The following FCAR variants were observed in gnomAD, a reference collection of about 807,000 sequenced individuals.
FCAR encodes immunoglobulin alpha Fc receptor.
A neutral mutation model predicts 27.1 loss-of-function variants in FCAR; 21 were observed. The ratio of observed to expected loss-of-function variants is 0.77; its 90% confidence interval spans 0.55 to 1.11. FCAR has a LOEUF of 1.11. Ranked by LOEUF, FCAR falls within the 50% of genes most tolerant of loss-of-function variation. The pLI is 0.00. For missense variants in FCAR, 404 were observed against 358.4 expected, an observed-to-expected ratio of 1.13 and a Z score of -1.03; for synonymous variants, 134 against 135.8, an observed-to-expected ratio of 0.99 and a Z score of 0.09.
In FCAR at chr19:54,875,517, TTTG is replaced by T. The variant is rs2066045643; in HGVS notation, c.70+155_70+157del. 64 of 718,110 alleles carry T rather than the reference TTTG, an allele frequency of 8.9e-5. No individual in the cohort carries two copies. The South Asian group carries it at 1.0e-3, about 12-fold the overall frequency. 44.5% of individuals were successfully genotyped at this position (718,110 alleles called of 1,614,324 possible). On this transcript the variant is annotated intron_variant, in intron 2 of 4. Coordinates refer to ENST00000355524, the MANE Select transcript of FCAR (RefSeq NM_002000.4). Reference sequence around the variant, plus strand: ...TTCTCTTGCATAATTTCTATCTCACTTTGTTATCTCCAAACCCTTCAGACTCAT... The same window carrying T: ...TTCTCTTGCATAATTTCTATCTCACTTTATCTCCAAACCCTTCAGACTCAT...
chr19:54,887,053 C>T (rs1209360355), intron 3 of FCAR, among the ~76,000 whole-genome samples: 1 of 72,546 alleles, frequency 1.4e-5, no homozygotes, highest in African/African-American at 4.2e-5. Context: ...CCGTGGCTCA[C>T]GCCTGTAATC....
chr19:54,886,965 A>G (rs587747281), intron 3 of FCAR, among the ~76,000 whole-genome samples: 74 of 152,334 alleles, frequency 4.9e-4, no homozygotes, highest in Non-Finnish European at 9.0e-4. Context: ...GCTGTTGTTG[A>G]AAGCCTGGCT....
At chr19:54,879,769 C>T (rs1259085526) in intron 2 of FCAR, among the ~76,000 whole-genome samples, 1 of 151,814 alleles carries the variant, frequency 6.6e-6, no homozygotes, top group South Asian at 2.1e-4. Context: ...CTGCAAGCTC[C>T]GCCTCCCGGA....
intron 2 of FCAR, among the ~76,000 whole-genome samples, chr19:54,882,620 G>T (rs776763764): frequency 4.0e-5 from 6 of 151,564 alleles, no homozygotes; most frequent in Admixed American, 2.0e-4. Context: ...TGTATGTTTA[G>T]TAGAGCCCGG....
In FCAR at chr19:54,890,403, CTTTTT is replaced by C. The variant is rs1010140368; in HGVS notation, c.*543_*547del. ...TAATTTCTTCCTTCATTGTTCTTCT[CTTTTT>C]TTATTTATTTTATTTATTTTTATTT... On this transcript the variant is annotated 3_prime_UTR_variant, in exon 5 of 5. Coordinates refer to ENST00000355524, the MANE Select transcript of FCAR (RefSeq NM_002000.4). 1 of 151,698 alleles carries C rather than the reference CTTTTT, an allele frequency of 6.6e-6. No homozygotes were observed. Among genetic ancestry groups the C allele is most frequent in the East Asian group, 1.9e-4 (1 of 5,188 alleles). The allele number at this position is 151,698 out of a possible 1,614,324, so 9.4% of individuals were successfully genotyped here.
intron 2 of FCAR, among the ~76,000 whole-genome samples, chr19:54,878,819 G>A (rs776290607): frequency 2.9e-4 from 42 of 142,384 alleles, no homozygotes; most frequent in Admixed American, 5.7e-4. Context: ...TTGAGCCTAT[G>A]GATGTCATTG....
chr19:54,881,091 G>A (rs746073882), intron 2 of FCAR, among the ~76,000 whole-genome samples: 38 of 152,314 alleles, frequency 2.5e-4, no homozygotes, highest in Non-Finnish European at 4.1e-4. Context: ...CAGGGGAAGG[G>A]ACCTTAGCAG....
At chr19:54,886,311 T>A (rs1167914807) in intron 3 of FCAR, among the ~76,000 whole-genome samples, 4 of 137,684 alleles carry the variant, frequency 2.9e-5, no homozygotes, top group East Asian at 4.2e-4. Context: ...ATTTTTTTTT[T>A]TTTTTTTTTT....
intron 4 of FCAR, among the ~76,000 whole-genome samples, chr19:54,889,328 C>T (rs1290639711): frequency 4.2e-5 from 6 of 143,408 alleles, no homozygotes; most frequent in Non-Finnish European, 7.5e-5. Flanking sequence ...GCCGAGATCA[C>T]GCCACTGCAC....
intron 2 of FCAR, among the ~76,000 whole-genome samples, chr19:54,880,471 G>C (rs2066348817): frequency 6.6e-6 from 1 of 152,024 alleles, no homozygotes; most frequent in Non-Finnish European, 1.5e-5. Flanking sequence ...GTAATCTTTA[G>C]GTTCCTTGCA....
chr19:54,876,948 A>T (rs1394742203), intron 2 of FCAR, among the ~76,000 whole-genome samples: 4 of 152,114 alleles, frequency 2.6e-5, no homozygotes, highest in Non-Finnish European at 5.9e-5. Flanking sequence ...CCAGAAATAA[A>T]GCCTACCTGA....
At chr19:54,882,731 G>A (rs587744029) in intron 2 of FCAR, among the ~76,000 whole-genome samples, 147 of 152,152 alleles carry the variant, frequency 9.7e-4, no homozygotes, top group Middle Eastern at 3.4e-3. Context: ...GAGCCACCGC[G>A]CCCGGCCTTG....
At position 54,888,310 on chromosome 19, in the gene FCAR, T is replaced by C; in HGVS notation, c.649+16T>C. 1 of 1,612,846 alleles carries C rather than the reference T, an allele frequency of 6.2e-7. No individual in the cohort carries two copies. The highest frequency in any genetic ancestry group is 8.5e-7 in the Non-Finnish European group (1 of 1,179,440). ...GTGGTCACAGGTAGGTACCGCCCAG[T>C]CCAGCCCTGTGTCTGGGTTGGCTGT... On this transcript the variant is annotated intron_variant, in intron 4 of 4. Transcript: ENST00000355524.
chr19:54,891,040 T>C lies in FCAR; in HGVS notation c.*1177T>C, dbSNP rs2067050120. The C allele has an allele frequency of 1.3e-5, 2 of 152,222 alleles. No individual in the cohort carries two copies. The highest frequency in any genetic ancestry group is 4.1e-4 in the South Asian group (2 of 4,832). The allele number at this position is 152,222 out of a possible 1,614,324, so 9.4% of individuals were successfully genotyped here. A position where few individuals can be genotyped will look rare whatever the true frequency, so the allele number is the denominator to read the frequency against. ...TGTGTTTCACCTCATTAATTTATTT[T>C]TTCACTTAGTTTTGATGATATTCAC... is the stretch of plus-strand genomic sequence containing the variant. On this transcript the variant is annotated 3_prime_UTR_variant, in exon 5 of 5. Transcript: ENST00000355524.
chr19:54,889,835 T>C lies in FCAR; in HGVS notation c.836T>C (p.Phe279Ser), dbSNP rs79267258. 216 of 1,606,804 alleles carry C rather than the reference T, an allele frequency of 1.3e-4. 1 individual carries two copies. In the East Asian group the frequency reaches 4.3e-3, roughly 32 times the overall value. ...CAGATGTGTCAGCCAGGATTGACCT[T>C]TGCACGAACACCAAGTGTCTGCAAG... ...SQQMCQPGLT[F>S]ARTPSVCK is the part of the protein sequence containing the mutation. Residue 279 changes from phenylalanine (F) to serine (S), a missense_variant, in exon 5 of 5, where the codon TTT (phenylalanine) becomes TCT (serine). Phe to Ser is a radical substitution (Grantham distance 155). Transcript: ENST00000355524.
chr19:54,890,112 C>T lies in FCAR; in HGVS notation c.*249C>T. On this transcript the variant is annotated 3_prime_UTR_variant, in exon 5 of 5. Coordinates refer to ENST00000355524, the MANE Select transcript of FCAR (RefSeq NM_002000.4). ...GGAATTACAGGCACATACCACTGCA[C>T]CCAGCTAATTTTTGTATTTTTAGTA... 3.7e-6 allele frequency: 2 copies of T among 542,262 alleles called. No individual in the cohort carries two copies. The highest frequency in any genetic ancestry group is 6.6e-6 in the Non-Finnish European group (2 of 304,286). 33.6% of individuals were successfully genotyped at this position (542,262 alleles called of 1,614,324 possible).
Position 54,877,241 on chromosome 19 carries a change from G to A in FCAR, c.70+1876G>A, listed in dbSNP as rs587710118. ...GTCTGTCTGGTACTGGGCTTTTTCT[G>A]GTCTGTAGGATTTTTATTACTGATT... On this transcript the variant is annotated intron_variant, in intron 2 of 4. Transcript: ENST00000355524. 2.6e-5 allele frequency among the ~76,000 whole-genome samples: 4 copies of A among 152,096 alleles called. No homozygotes were observed. The South Asian group carries it at 6.2e-4, about 24-fold the overall frequency.
chr19:54,878,630 T>C (rs1404629287), intron 2 of FCAR, among the ~76,000 whole-genome samples: 2 of 152,070 alleles, frequency 1.3e-5, no homozygotes, highest in Non-Finnish European at 2.9e-5. Flanking sequence ...GTGGCCACTG[T>C]CCTGCTATGG....
At chr19:54,877,537 A>C (rs965291184) in intron 2 of FCAR, among the ~76,000 whole-genome samples, 1 of 152,094 alleles carries the variant, frequency 6.6e-6, no homozygotes, top group African/African-American at 2.4e-5. Context: ...TTTTTCAAAA[A>C]TTCTACTCCT....
Sources: allele counts gnomAD v4.1 joint callset (sites outside exome capture counted in the v4.1 genomes callset), GRCh38; gene constraint gnomAD v4.1.1; transcripts MANE v1.5; gene names NCBI Gene and HGNC (gene_info 2026-07-23, HGNC 2026-07-21).